The following RIMS2 variants were observed in gnomAD, a reference collection of about 807,000 sequenced individuals.
RIMS2 encodes regulating synaptic membrane exocytosis protein 2.
A neutral mutation model predicts 174.4 loss-of-function variants in RIMS2; 59 were observed. The ratio of observed to expected loss-of-function variants is 0.34; its 90% CI spans 0.27 to 0.42. The LOEUF is 0.42. Among genes scored for constraint, RIMS2 ranks in the 10% least tolerant of loss-of-function variants. RIMS2 has a pLI of 1.00. For synonymous variants in RIMS2, 606 were observed against 572.5 expected (o/e 1.06, Z -0.84); for missense variants, 1,620 against 1,666.3 (o/e 0.97, Z 0.48).
chr8:103,985,329 C>T (rs1007588862), intron 16 of RIMS2, among the ~76,000 whole-genome samples: 1 of 151,554 alleles, frequency 6.6e-6, no homozygotes, highest in Non-Finnish European at 1.5e-5. Context: ...CAAAAATTAG[C>T]CGAGCATGGT....
chr8:103,796,726 A>G (rs1200068878), intron 3 of RIMS2, among the ~76,000 whole-genome samples: 5 of 152,230 alleles, frequency 3.3e-5, no homozygotes, highest in Non-Finnish European at 7.3e-5. Flanking sequence ...AGATGCTTAG[A>G]GTATAGCTGT....
chr8:103,840,738 GGC>G (rs1437397450), intron 3 of RIMS2, among the ~76,000 whole-genome samples: 5 of 151,978 alleles, frequency 3.3e-5, no homozygotes, highest in African/African-American at 1.2e-4. Context: ...ATAGTTTTAA[GGC>G]AATGACAGTT....
chr8:103,533,661 C>CAAAAAAAAAAAAAAAAA, intron 1 of RIMS2, among the ~76,000 whole-genome samples: 1 of 66,070 alleles, frequency 1.5e-5, no homozygotes, highest in East Asian at 5.3e-4. Flanking sequence ...GACCCTGTCT[C>CAAAAAAAAAAAAAAAAA]AAAAAAAAAA....
intron 1 of RIMS2, among the ~76,000 whole-genome samples, chr8:103,502,968 C>T (rs1483371643): frequency 4.0e-5 from 6 of 151,768 alleles, no homozygotes; most frequent in African/African-American, 1.4e-4. Context: ...TTTCAGGTAG[C>T]TACATATGTA....
intron 3 of RIMS2, among the ~76,000 whole-genome samples, chr8:103,805,939 T>C (rs2098647349): frequency 6.6e-6 from 1 of 152,144 alleles, no homozygotes; most frequent in South Asian, 2.1e-4. Flanking sequence ...ATAACCAAGA[T>C]GGCAAGACTA....
At chr8:103,535,607 G>T (rs552487992) in intron 1 of RIMS2, among the ~76,000 whole-genome samples, 1 of 152,328 alleles carries the variant, frequency 6.6e-6, no homozygotes, top group Non-Finnish European at 1.5e-5. Flanking sequence ...CATCTGTTCT[G>T]CTTCCTCACC....
At chr8:103,746,263 G>C (rs2097812372) in intron 2 of RIMS2, among the ~76,000 whole-genome samples, 2 of 152,000 alleles carry the variant, frequency 1.3e-5, no homozygotes, top group African/African-American at 4.8e-5. Flanking sequence ...AGATGTATGG[G>C]TTTATTTCTG....
At chr8:104,029,785 T>C (rs1565928286) in intron 19 of RIMS2, among the ~76,000 whole-genome samples, 1 of 152,158 alleles carries the variant, frequency 6.6e-6, no homozygotes, top group Non-Finnish European at 1.5e-5. Flanking sequence ...AAAGGTGAAA[T>C]AGCTTTTAAA....
At chr8:103,892,290 C>T (rs2099250947) in intron 4 of RIMS2, among the ~76,000 whole-genome samples, 1 of 150,558 alleles carries the variant, frequency 6.6e-6, no homozygotes, top group East Asian at 1.9e-4. Context: ...GCAGTCTTGA[C>T]CTCTTGGGCT....
At chr8:103,759,564 C>CAAAAAAAAAAAAAAAAAAA (rs35946104) in intron 2 of RIMS2, among the ~76,000 whole-genome samples, 1 of 70,014 alleles carries the variant, frequency 1.4e-5, no homozygotes, top group Non-Finnish European at 2.7e-5. Flanking sequence ...GACTCCGTCT[C>CAAAAAAAAAAAAAAAAAAA]AAAAAAAAAA....
At chr8:103,508,815 G>A (rs982885676) in intron 1 of RIMS2, among the ~76,000 whole-genome samples, 6 of 152,054 alleles carry the variant, frequency 3.9e-5, no homozygotes, top group African/African-American at 1.4e-4. Flanking sequence ...AGGTGGAGGT[G>A]GAGAGTCAAG....
intron 13 of RIMS2, 22 bp downstream of exon 15, chr8:103,936,744 T>C (rs752094426): frequency 6.4e-7 from 1 of 1,553,914 alleles, no homozygotes; most frequent in Non-Finnish European, 8.8e-7. Context: ...TGTTTTAAAG[T>C]TTATGCTATT....
intron 3 of RIMS2, among the ~76,000 whole-genome samples, chr8:103,815,222 C>G (rs539169607): frequency 6.6e-6 from 1 of 152,098 alleles, no homozygotes; most frequent in Non-Finnish European, 1.5e-5. Flanking sequence ...AAATGTTGTA[C>G]CAATGTACAC....
intron 16 of RIMS2, among the ~76,000 whole-genome samples, chr8:103,983,636 A>G (rs760843739): frequency 1.3e-4 from 20 of 152,216 alleles, no homozygotes; most frequent in Non-Finnish European, 2.4e-4. Context: ...TGCCAAGAGT[A>G]TACATTGGAG....
chr8:103,631,747 T>C (rs2095927728), intron 1 of RIMS2, among the ~76,000 whole-genome samples: 2 of 152,244 alleles, frequency 1.3e-5, no homozygotes, highest in African/African-American at 4.8e-5. Flanking sequence ...ATACTGATTC[T>C]TCCTATCCAT....
intron 1 of RIMS2, among the ~76,000 whole-genome samples, chr8:103,681,533 A>G (rs1426503443): frequency 6.6e-6 from 1 of 152,014 alleles, no homozygotes; most frequent in Non-Finnish European, 1.5e-5. Context: ...TAAAAAAGAG[A>G]ATTAAAAAAA....
chr8:103,614,053 G>A (rs1183036454), intron 1 of RIMS2, among the ~76,000 whole-genome samples: 4 of 152,228 alleles, frequency 2.6e-5, no homozygotes, highest in African/African-American at 9.6e-5. Flanking sequence ...TGTCTCCATA[G>A]GTCACATGCC....
intron 19 of RIMS2, chr8:104,223,377 G>GCTCTCCTCC: frequency 8.2e-7 from 1 of 1,219,668 alleles, no homozygotes; most frequent in Non-Finnish European, 1.0e-6. Flanking sequence ...TCCCTCCCGG[G>GCTCTCCTCC]CGAGACCTCG....
intron 3 of RIMS2, among the ~76,000 whole-genome samples, chr8:103,825,356 T>C (rs974674881): frequency 6.6e-6 from 1 of 152,084 alleles, no homozygotes; most frequent in African/African-American, 2.4e-5. Context: ...TGATCTCGGC[T>C]CATTACAACC....
Sources: gnomAD v4.1 joint callset for allele counts (sites outside exome capture counted in the v4.1 genomes callset) on GRCh38, gnomAD v4.1.1 for gene constraint, MANE v1.5 for transcripts, NCBI Gene and HGNC (gene_info 2026-07-23, HGNC 2026-07-21) for gene names.